Variants in SND1 observed in about 807,000 individuals in gnomAD.
The protein encoded by SND1 is staphylococcal nuclease domain-containing protein 1.
SND1 carries 38 observed loss-of-function variants against 121.7 expected under a neutral mutation model. The ratio of observed to expected loss-of-function variants is 0.31; its 90% CI spans 0.24 to 0.41. The LOEUF (loss-of-function observed/expected upper bound fraction) is 0.41, where lower values mean the gene tolerates loss of function less well. SND1 is among the 10% of genes least tolerant of loss of function. The probability of loss-of-function intolerance (pLI) is 1.00; values close to 1 mark genes in which losing one functional copy is unlikely to be tolerated. For synonymous variants in SND1, 401 were observed against 447.4 expected (o/e 0.90, Z 1.31); for missense variants, 868 against 1,184.6 (o/e 0.73, Z 3.92).
chr7:127,967,500 G>C (rs1801881312), intron 15 of SND1, among the ~76,000 whole-genome samples: 1 of 152,130 alleles, frequency 6.6e-6, no homozygotes, highest in South Asian at 2.1e-4. Context: ...CTCCCTTCCT[G>C]ATTTCCCAGC....
chr7:127,852,744 G>C (rs1307442602), intron 12 of SND1, among the ~76,000 whole-genome samples: 4 of 152,044 alleles, frequency 2.6e-5, no homozygotes, highest in Admixed American at 1.3e-4. Flanking sequence ...CCAGGAGGCG[G>C]AGGTTGCAGT....
intron 10 of SND1, among the ~76,000 whole-genome samples, chr7:127,800,406 G>T (rs1281042570): frequency 2.0e-5 from 3 of 152,100 alleles, no homozygotes; most frequent in Admixed American, 6.5e-5. Context: ...TAGAACTTTT[G>T]TAGTTAAATT....
In SND1 at chr7:128,052,887, G is replaced by A. The variant is rs1246579276; in HGVS notation, c.1780-21615G>A. ...ACCAATAGTCAGCCCTACCCTTCAG[G>A]GACTTCTAGTTTAGAGCTGGTACCT... On this transcript the variant is annotated intron_variant, in intron 16 of 23. Coordinates refer to ENST00000354725, the MANE Select transcript of SND1 (RefSeq NM_014390.4). This position sits in a 1 kb window ranked among gnomAD's most constrained non-coding sequence, Gnocchi z 4.6. Among the ~76,000 whole-genome samples, 1 of 152,070 alleles carries A rather than the reference G, an allele frequency of 6.6e-6. No individual in the cohort carries two copies. Among genetic ancestry groups the A allele is most frequent in the African/African-American group, 2.4e-5 (1 of 41,402 alleles).
chr7:127,886,817 A>T (rs185585899), intron 12 of SND1, among the ~76,000 whole-genome samples: 2 of 136,736 alleles, frequency 1.5e-5, no homozygotes, highest in East Asian at 4.6e-4. Context: ...GGCATCTCTC[A>T]TTCCCAAGTG....
chr7:127,821,548 C>G (rs1215231774), intron 11 of SND1, among the ~76,000 whole-genome samples: 1 of 151,942 alleles, frequency 6.6e-6, no homozygotes, highest in African/African-American at 2.4e-5. Flanking sequence ...TCAGGGATTG[C>G]TTTTTACATT....
chr7:127,730,993 T>C (rs1587626107), intron 10 of SND1, among the ~76,000 whole-genome samples: 1 of 152,290 alleles, frequency 6.6e-6, no homozygotes, highest in African/African-American at 2.4e-5. Flanking sequence ...CATATTCGTA[T>C]GGAGCTGCCT....
At chr7:127,662,082 C>T (rs1795322820) in intron 1 of SND1, among the ~76,000 whole-genome samples, 1 of 152,034 alleles carries the variant, frequency 6.6e-6, no homozygotes, top group South Asian at 2.1e-4. Context: ...TGCCACTGCA[C>T]TGCAGCCTGG....
At chr7:127,882,447 A>C (rs1799811612) in intron 12 of SND1, among the ~76,000 whole-genome samples, 1 of 139,730 alleles carries the variant, frequency 7.2e-6, no homozygotes. Flanking sequence ...AGGGGAGGGG[A>C]AGAGAGGGGA....
intron 7 of SND1, 152 bp from the exon 8 acceptor site, chr7:127,704,687 G>T (rs913751696): frequency 7.7e-6 from 5 of 649,292 alleles, no homozygotes; most frequent in South Asian, 3.7e-5. Context: ...GAGTGGTTTC[G>T]TAGTGAGAGA....
intron 10 of SND1, 32 bp from the exon 11 acceptor site, chr7:127,807,452 A>C: frequency 6.5e-7 from 1 of 1,547,378 alleles, no homozygotes; most frequent in Non-Finnish European, 8.9e-7. Flanking sequence ...GATATTGTTC[A>C]TTCCTGATGT....
chr7:127,730,895 T>C (rs1796662771), intron 10 of SND1, among the ~76,000 whole-genome samples: 2 of 152,272 alleles, frequency 1.3e-5, no homozygotes, highest in African/African-American at 4.8e-5. Context: ...TCCTAGGACA[T>C]GTTCCTCATC....
At chr7:127,898,789 C>T (rs1207903524) in intron 13 of SND1, among the ~76,000 whole-genome samples, 1 of 152,142 alleles carries the variant, frequency 6.6e-6, no homozygotes, top group African/African-American at 2.4e-5. Flanking sequence ...CTCACTGCCA[C>T]TTAGATTCTT....
intron 16 of SND1, among the ~76,000 whole-genome samples, chr7:128,049,279 CAGA>C (rs1288021811): frequency 1.1e-4 from 16 of 152,130 alleles, no homozygotes; most frequent in African/African-American, 2.9e-4. Flanking sequence ...TCAAGTGCCC[CAGA>C]AGATTTTCTG....
intron 10 of SND1, among the ~76,000 whole-genome samples, chr7:127,760,670 C>T (rs1797288644): frequency 1.3e-5 from 2 of 152,212 alleles, no homozygotes; most frequent in South Asian, 2.1e-4. Context: ...CCATACATTT[C>T]GCCTTTCTGC....
At chr7:127,975,199 A>G (rs1025409484) in intron 15 of SND1, among the ~76,000 whole-genome samples, 1 of 152,236 alleles carries the variant, frequency 6.6e-6, no homozygotes, top group African/African-American at 2.4e-5. Context: ...AAATTTCCCT[A>G]CAAGGACGTG....
At chr7:127,981,416 G>A (rs2116902014) in intron 15 of SND1, among the ~76,000 whole-genome samples, 1 of 152,260 alleles carries the variant, frequency 6.6e-6, no homozygotes, top group Middle Eastern at 3.4e-3. Context: ...GACAGCCTGC[G>A]ATCTCCAGTC....
chr7:127,801,490 C>T (rs1313467561), intron 10 of SND1, among the ~76,000 whole-genome samples: 1 of 152,186 alleles, frequency 6.6e-6, no homozygotes, highest in Non-Finnish European at 1.5e-5. Context: ...CACCAACTCT[C>T]AGTACCACAT....
chr7:128,060,015 A>G (rs1793205457), intron 16 of SND1, among the ~76,000 whole-genome samples: 1 of 152,244 alleles, frequency 6.6e-6, no homozygotes. Context: ...ATGAATGTTG[A>G]GATGGAGTTA....
At chr7:127,701,537 G>GATAAAT (rs55872906) in intron 5 of SND1, among the ~76,000 whole-genome samples, 2 of 151,866 alleles carry the variant, frequency 1.3e-5, no homozygotes, top group African/African-American at 4.9e-5. Flanking sequence ...GCAGAAGCTA[G>GATAAAT]TCCTGTGCTG....
Sources: gnomAD v4.1 joint callset for allele counts (sites outside exome capture counted in the v4.1 genomes callset) on GRCh38, gnomAD v4.1.1 for gene constraint, Gnocchi (gnomAD v3.1) non-coding constraint, MANE v1.5 for transcripts, NCBI Gene and HGNC (gene_info 2026-07-23, HGNC 2026-07-21) for gene names.